Variants in TMEM132C observed in about 807,000 individuals in gnomAD.
TMEM132C encodes the protein protein phosphatase 1, regulatory subunit 152.
In TMEM132C, 29 loss-of-function variants were observed where a neutral mutation model predicts 61.4. The ratio of observed to expected loss-of-function variants is 0.47; its 90% CI spans 0.35 to 0.64. TMEM132C has a LOEUF of 0.64. Among genes scored for constraint, TMEM132C ranks in the 30% least tolerant of loss-of-function variants. The pLI, the probability that TMEM132C is intolerant of heterozygous loss-of-function variation, is 0.00. For synonymous variants in TMEM132C, 656 were observed against 633.1 expected, an observed-to-expected ratio of 1.04 and a Z score of -0.54; for missense variants, 1,408 against 1,476.9, an observed-to-expected ratio of 0.95 and a Z score of 0.76.
chr12:128,587,410 T>C (rs1875589040), intron 3 of TMEM132C, among the ~76,000 whole-genome samples: 1 of 152,134 alleles, frequency 6.6e-6, no homozygotes, highest in Non-Finnish European at 1.5e-5. Flanking sequence ...ACTGGTAATG[T>C]CACTAAGCCA....
At chr12:128,529,923 T>A (rs1022013725) in intron 2 of TMEM132C, among the ~76,000 whole-genome samples, 1 of 152,168 alleles carries the variant, frequency 6.6e-6, no homozygotes, top group Non-Finnish European at 1.5e-5. Context: ...ATTAGAAAAT[T>A]ACAAATTTTG....
intron 1 of TMEM132C, among the ~76,000 whole-genome samples, chr12:128,322,644 C>A (rs955348220): frequency 6.6e-6 from 1 of 152,160 alleles, no homozygotes; most frequent in Non-Finnish European, 1.5e-5. Flanking sequence ...CTGGGGAGTT[C>A]AAAGGACATC....
intron 1 of TMEM132C, among the ~76,000 whole-genome samples, chr12:128,354,511 CCTT>C (rs1873438982): frequency 6.6e-6 from 1 of 151,404 alleles, no homozygotes; most frequent in Non-Finnish European, 1.5e-5. Flanking sequence ...TTGCTTCCCT[CCTT>C]CTTCTCTCTC....
chr12:128,600,236 C>G (rs976378045), intron 3 of TMEM132C, among the ~76,000 whole-genome samples: 2 of 152,120 alleles, frequency 1.3e-5, no homozygotes, highest in Non-Finnish European at 2.9e-5. Flanking sequence ...CCCACCTCGG[C>G]CTCCCAAAGT....
At chr12:128,690,121 A>AC (rs1042446669) in intron 5 of TMEM132C, among the ~76,000 whole-genome samples, 5 of 152,002 alleles carry the variant, frequency 3.3e-5, no homozygotes. Context: ...GCCTCACGTG[A>AC]CCCCACCGTC....
chr12:128,541,753 G>A (rs1472327848), intron 2 of TMEM132C, among the ~76,000 whole-genome samples: 11 of 152,202 alleles, frequency 7.2e-5, no homozygotes, highest in Admixed American at 7.2e-4. Context: ...CTTCACTGCA[G>A]GGCATCTGGC....
intron 1 of TMEM132C, among the ~76,000 whole-genome samples, chr12:128,268,946 A>AAG (rs142638246): frequency 0.068 from 5,909 of 87,280 alleles, 709 homozygotes; most frequent in African/African-American, 0.25. Context: ...AGAGGGGGGA[A>AAG]AGGGGGTGAG....
At chr12:128,520,625 C>G (rs374761124) in intron 2 of TMEM132C, among the ~76,000 whole-genome samples, 1 of 152,192 alleles carries the variant, frequency 6.6e-6, no homozygotes, top group South Asian at 2.1e-4. Context: ...CATAAGGTAT[C>G]CAGCAGCATC....
intron 4 of TMEM132C, among the ~76,000 whole-genome samples, chr12:128,619,601 T>G (rs2135586071): frequency 6.6e-6 from 1 of 152,308 alleles, no homozygotes; most frequent in Admixed American, 6.5e-5. Context: ...GCAGGAAAGC[T>G]CCAAGTCTTA....
At chr12:128,467,822 T>A (rs1870788248) in intron 2 of TMEM132C, among the ~76,000 whole-genome samples, 1 of 152,212 alleles carries the variant, frequency 6.6e-6, no homozygotes, top group African/African-American at 2.4e-5. Flanking sequence ...CAAGCATCTG[T>A]CCATCCATCT....
chr12:128,695,914 G>A lies in TMEM132C; in HGVS notation c.1740G>A (p.Arg580=). The change falls in exon 7 of 9, where the codon CGG becomes CGA. Residue 580 remains arginine, a synonymous_variant. Coordinates refer to ENST00000435159, the MANE Select transcript of TMEM132C (RefSeq NM_001136103.3). ...CALQYQHATV[R]VLTQFVSEGA... ...TGCAATACCAGCACGCCACCGTGCG[G>A]GTCCTCACCCAGTTTGTGTCTGAGG... 6.4e-7 allele frequency: 1 copy of A among 1,551,722 alleles called. No individual in the cohort carries two copies. The highest frequency in any genetic ancestry group is 1.2e-5 in the South Asian group (1 of 84,060).
intron 1 of TMEM132C, among the ~76,000 whole-genome samples, chr12:128,277,875 A>G: frequency 6.6e-6 from 1 of 151,444 alleles, no homozygotes; most frequent in East Asian, 2.0e-4. Flanking sequence ...TCACATCTCT[A>G]CCTCTGGGTG....
At chr12:128,320,904 A>G (rs184940890) in intron 1 of TMEM132C, among the ~76,000 whole-genome samples, 2 of 152,040 alleles carry the variant, frequency 1.3e-5, no homozygotes, top group Admixed American at 1.3e-4. Flanking sequence ...GCCATCACCA[A>G]TGTCCATTTT....
intron 1 of TMEM132C, among the ~76,000 whole-genome samples, chr12:128,392,979 G>C (rs746913336): frequency 4.6e-5 from 7 of 152,182 alleles, no homozygotes; most frequent in African/African-American, 7.2e-5. Context: ...GATGTATCAA[G>C]GTGCACAAAC....
intron 1 of TMEM132C, among the ~76,000 whole-genome samples, chr12:128,268,653 C>CT (rs1870402404): frequency 6.6e-6 from 1 of 152,150 alleles, no homozygotes; most frequent in South Asian, 2.1e-4. Flanking sequence ...CTTCTCCCGC[C>CT]TAATGCTCTG....
intron 2 of TMEM132C, among the ~76,000 whole-genome samples, chr12:128,445,616 CT>C (rs1211039735): frequency 1.3e-5 from 2 of 152,192 alleles, no homozygotes; most frequent in Non-Finnish European, 2.9e-5. Flanking sequence ...TCCCCAGTCT[CT>C]CTGCTGAGCA....
At chr12:128,604,410 TAGATA>T (rs1876326241) in intron 3 of TMEM132C, among the ~76,000 whole-genome samples, 1 of 52,264 alleles carries the variant, frequency 1.9e-5, no homozygotes, top group African/African-American at 6.1e-5. Context: ...GGATGGAAGA[TAGATA>T]GATAGATAGA....
Position 128,554,327 on chromosome 12 carries a change from C to T in TMEM132C, c.1121+10224C>T, listed in dbSNP as rs555965761. Among the ~76,000 whole-genome samples the T allele has an allele frequency of 1.9e-4, 29 of 152,188 alleles. No individual in the cohort carries two copies. In the South Asian group the frequency reaches 5.8e-3, roughly 30 times the overall value. On this transcript the variant is annotated intron_variant, in intron 3 of 8. Transcript: ENST00000435159. The stretch of plus-strand genomic sequence containing the variant: ...AGGCTGTGAGAGGCGGGGAGGGTGG[C>T]CGGCTGCACCCTCTCAGAGGACACA...
intron 1 of TMEM132C, among the ~76,000 whole-genome samples, chr12:128,289,265 T>C (rs1257845662): frequency 6.6e-6 from 1 of 152,132 alleles, no homozygotes; most frequent in East Asian, 1.9e-4. Flanking sequence ...TGCACACTTA[T>C]ACACACGCAC....
Sources: allele counts gnomAD v4.1 joint callset (sites outside exome capture counted in the v4.1 genomes callset), GRCh38; gene constraint gnomAD v4.1.1; transcripts MANE v1.5; gene names NCBI Gene and HGNC (gene_info 2026-07-23, HGNC 2026-07-21).